The following MAFK variants were observed in gnomAD, a reference collection of about 807,000 sequenced individuals.
The protein encoded by MAFK is MAF bZIP transcription factor K.
Under a neutral mutation model 9.2 loss-of-function variants are expected in MAFK, and 1 was observed. The observed-to-expected ratio is 0.11, with a 90% CI of 0.04 to 0.52. The LOEUF (loss-of-function observed/expected upper bound fraction) is 0.52. MAFK is among the 20% of genes least tolerant of loss of function. MAFK has a pLI of 0.94. For missense variants in MAFK, 207 were observed against 236.0 expected, an observed-to-expected ratio of 0.88 and a Z score of 0.81; for synonymous variants, 110 against 107.4, an observed-to-expected ratio of 1.02 and a Z score of -0.15.
chr7:1,537,431 C>T (rs1052608111), intron 1 of MAFK: 17 of 985,432 alleles, frequency 1.7e-5, no homozygotes, highest in East Asian at 1.1e-4. Flanking sequence ...AAGCGGTGCC[C>T]GCGGCCCCTC....
rs765471304 is a variant in MAFK at position 1,540,256 on chromosome 7, G to A, written c.352G>A (p.Ala118Thr). 8 of 1,610,024 alleles carry A rather than the reference G, an allele frequency of 5.0e-6. No homozygotes were observed. The highest frequency in any genetic ancestry group is 6.8e-6 in the Non-Finnish European group (8 of 1,178,856). Reference sequence around the variant, plus strand: ...CAAGTACGAGGCGCTGCAGACCTTCGCGCGCACCGTGGCCCGGGGACCTGT... The same window carrying A: ...CAAGTACGAGGCGCTGCAGACCTTCACGCGCACCGTGGCCCGGGGACCTGT... ...RSKYEALQTF[A>T]RTVARGPVAP... The change falls in exon 3 of 3, where the codon GCG (alanine) becomes ACG (threonine). Residue 118 changes from alanine (A) to threonine (T), a missense_variant. Ala to Thr is a moderately conservative substitution (Grantham distance 58, BLOSUM62 0). Coordinates refer to ENST00000343242, the MANE Select transcript of MAFK (RefSeq NM_002360.4).
chr7:1,538,143 G>C (rs1015594744), intron 1 of MAFK: 96 of 402,096 alleles, frequency 2.4e-4, no homozygotes, highest in Non-Finnish European at 2.7e-4. Context: ...CGTGGGGGCT[G>C]GCTCGGTCCC....
chr7:1,534,052 A>G lies in MAFK; in HGVS notation c.-45+3154A>G. On this transcript the variant is annotated intron_variant, in intron 1 of 2. Transcript: ENST00000343242. This position sits in a 1 kb window ranked among gnomAD's most constrained non-coding sequence, Gnocchi z 4.3. ...CACAGCTTCCTCAGACTGCAAATGC[A>G]AGGTGACCAGACGTCCTCCAAGCCG... 1 of 358,664 alleles carries G rather than the reference A, an allele frequency of 2.8e-6. No individual in the cohort carries two copies. Among genetic ancestry groups the G allele is most frequent in the South Asian group, 2.0e-5 (1 of 50,570 alleles). The allele number at this position is 358,664 out of a possible 1,614,324, so 22.2% of individuals were successfully genotyped here. A position where few individuals can be genotyped will look rare whatever the true frequency, so the allele number is the denominator to read the frequency against.
At chr7:1,533,590 G>C (rs1263655067) in intron 1 of MAFK, among the ~76,000 whole-genome samples, 1 of 152,226 alleles carries the variant, frequency 6.6e-6, no homozygotes, top group African/African-American at 2.4e-5. Flanking sequence ...CTGTGGGGCT[G>C]TGTGGGGGGC....
At position 1,540,963 on chromosome 7, in the gene MAFK, CGTGA is replaced by C. The variant is rs1784169766; in HGVS notation, c.*592_*595del. 6.5e-6 allele frequency: 1 copy of C among 154,340 alleles called. No homozygotes were observed. Among genetic ancestry groups the C allele is most frequent in the Non-Finnish European group, 1.4e-5 (1 of 69,302 alleles). The allele number at this position is 154,340 out of a possible 1,614,324, so 9.6% of individuals were successfully genotyped here. ...CCGCGTCTGCCTTAGCAGGGGCCTGCGTGAGTGGGCACGGTGTGGGAGGTCGCCT... is the reference window on the plus strand; with the variant it reads ...CCGCGTCTGCCTTAGCAGGGGCCTGCGTGGGCACGGTGTGGGAGGTCGCCT... On this transcript the variant is annotated 3_prime_UTR_variant, in exon 3 of 3. Transcript: ENST00000343242.
In MAFK at chr7:1,541,283, G is replaced by A. The variant is rs1191475234; in HGVS notation, c.*908G>A. The stretch of plus-strand genomic sequence containing the variant: ...CGCCCCATCATTTGACGGTGAGCAG[G>A]ACTCAGGCTGTGTGTCCTGGAGCTA... On this transcript the variant is annotated 3_prime_UTR_variant, in exon 3 of 3. Coordinates refer to ENST00000343242, the MANE Select transcript of MAFK (RefSeq NM_002360.4). 6.5e-6 allele frequency: 1 copy of A among 152,828 alleles called. No individual in the cohort carries two copies. 9.5% of individuals were successfully genotyped at this position (152,828 alleles called of 1,614,324 possible). A position where few individuals can be genotyped will look rare whatever the true frequency, so the allele number is the denominator to read the frequency against.
At position 1,539,997 on chromosome 7, in the gene MAFK, C is replaced by T. The variant is rs1176563417; in HGVS notation, c.93C>T (p.Ser31=). ...TGCTCAGCGATGATGAGCTGGTGTC[C>T]ATGTCGGTGCGGGAGCTGAACCAGC... ...APVLSDDELV[S]MSVRELNQHL... is the part of the protein sequence containing the mutation. The change falls in exon 3 of 3, where the codon TCC becomes TCT. Residue 31 remains serine (S), a synonymous_variant. Coordinates refer to ENST00000343242, the MANE Select transcript of MAFK (RefSeq NM_002360.4). The T allele has an allele frequency of 1.9e-6, 3 of 1,557,036 alleles. No homozygotes were observed. Among genetic ancestry groups the T allele is most frequent in the South Asian group, 2.4e-5 (2 of 84,514 alleles).
rs1268968124 is a variant in MAFK at position 1,540,868 on chromosome 7, C to T, written c.*493C>T. 2 of 161,254 alleles carry T rather than the reference C, an allele frequency of 1.2e-5. No individual in the cohort carries two copies. Among genetic ancestry groups the T allele is most frequent in the Non-Finnish European group, 2.7e-5 (2 of 74,082 alleles). The allele number at this position is 161,254 out of a possible 1,614,324, so 10.0% of individuals were successfully genotyped here. A position where few individuals can be genotyped will look rare whatever the true frequency, so the allele number is the denominator to read the frequency against. On this transcript the variant is annotated 3_prime_UTR_variant, in exon 3 of 3. Coordinates refer to ENST00000343242, the MANE Select transcript of MAFK (RefSeq NM_002360.4). ...CACTGCCCTGACCGACTCCGCAGTC[C>T]CCGGGGAGGAGCATGGATGGTGTGT...
chr7:1,540,896 G>C lies in MAFK; in HGVS notation c.*521G>C. 1 of 158,552 alleles carries C rather than the reference G, an allele frequency of 6.3e-6. No individual in the cohort carries two copies. Among genetic ancestry groups the C allele is most frequent in the Non-Finnish European group, 1.4e-5 (1 of 72,308 alleles). The allele number at this position is 158,552 out of a possible 1,614,324, so 9.8% of individuals were successfully genotyped here. A position where few individuals can be genotyped will look rare whatever the true frequency, so the allele number is the denominator to read the frequency against. On this transcript the variant is annotated 3_prime_UTR_variant, in exon 3 of 3. Coordinates refer to ENST00000343242, the MANE Select transcript of MAFK (RefSeq NM_002360.4). The stretch of plus-strand genomic sequence containing the variant: ...GGGGAGGAGCATGGATGGTGTGTCG[G>C]CAGCTCCGTCCTTCCAGCTGTCCCG...
At position 1,532,766 on chromosome 7, in the gene MAFK, A is replaced by G. The variant is rs1783932974; in HGVS notation, c.-45+1868A>G. Among the ~76,000 whole-genome samples, 1 of 152,118 alleles carries G rather than the reference A, an allele frequency of 6.6e-6. No homozygotes were observed. The highest frequency in any genetic ancestry group is 1.5e-5 in the Non-Finnish European group (1 of 68,016). Reference sequence around the variant, plus strand: ...TCTGGCAAAGCTGTTTGCCACCCAGACGGAGAAGAAGTTGTGCCTGTTCTT... The same window carrying G: ...TCTGGCAAAGCTGTTTGCCACCCAGGCGGAGAAGAAGTTGTGCCTGTTCTT... On this transcript the variant is annotated intron_variant, in intron 1 of 2. Transcript: ENST00000343242. The surrounding 1 kb of genome is among the most constrained non-coding windows in gnomAD (Gnocchi z 4.5).
At chr7:1,536,049 C>G (rs1351838151) in intron 1 of MAFK, among the ~76,000 whole-genome samples, 2 of 152,246 alleles carry the variant, frequency 1.3e-5, no homozygotes, top group Non-Finnish European at 2.9e-5. Context: ...AACCCTGCCT[C>G]TTCCATCCGA....
chr7:1,537,507 C>A, intron 1 of MAFK: 1 of 985,484 alleles, frequency 1.0e-6, no homozygotes, highest in Non-Finnish European at 1.2e-6. Flanking sequence ...CCCACGGTGG[C>A]GGAGGCAGCT....
Position 1,540,185 on chromosome 7 carries a change from C to A in MAFK, c.281C>A (p.Ala94Glu). Residue 94 changes from alanine to glutamate, a missense_variant, in exon 3 of 3, where the codon GCG becomes GAG. Physicochemically the swap from Ala to Glu is moderately radical, Grantham distance 107. Transcript: ENST00000343242. ...CTGCAGCAGGAGGTGGAGAAGCTGG[C>A]GCGTGAGAACAGCAGCATGCGGCTG... Reference protein sequence around the residue: ...VELQQEVEKLARENSSMRLEL... With the variant: ...VELQQEVEKLERENSSMRLEL... The A allele has an allele frequency of 6.3e-7, 1 of 1,578,658 alleles. No individual in the cohort carries two copies. Among genetic ancestry groups the A allele is most frequent in the East Asian group, 2.3e-5 (1 of 42,702 alleles).
rs1051223278 is a variant in MAFK, at chr7:1,532,264, C to A, written c.-45+1366C>A. On this transcript the variant is annotated intron_variant, in intron 1 of 2. Coordinates refer to ENST00000343242, the MANE Select transcript of MAFK (RefSeq NM_002360.4). The surrounding 1 kb of genome is among the most constrained non-coding windows in gnomAD (Gnocchi z 4.5). ...ACCCAATGTCTTCAGGGACATGGAG[C>A]ATTAAAAGAGCCGTGGGCGGGGTCT... 9.2e-5 allele frequency among the ~76,000 whole-genome samples: 14 copies of A among 152,150 alleles called. No homozygotes were observed. The highest frequency in any genetic ancestry group is 3.1e-4 in the African/African-American group (13 of 41,438).
chr7:1,533,153 A>G (rs1050238475), intron 1 of MAFK, among the ~76,000 whole-genome samples: 1 of 152,212 alleles, frequency 6.6e-6, no homozygotes, highest in African/African-American at 2.4e-5. Flanking sequence ...GAGGAAGCCC[A>G]GGCCATGAGG....
intron 1 of MAFK, among the ~76,000 whole-genome samples, chr7:1,533,611 G>A (rs1583196610): frequency 6.6e-6 from 1 of 152,170 alleles, no homozygotes; most frequent in Non-Finnish European, 1.5e-5. Context: ...ACCAGGATCA[G>A]GGTGAGGGCA....
chr7:1,532,588 C>T lies in MAFK; in HGVS notation c.-45+1690C>T, dbSNP rs1241074206. Among the ~76,000 whole-genome samples, 3 of 152,212 alleles carry T rather than the reference C, an allele frequency of 2.0e-5. No homozygotes were observed. Among genetic ancestry groups the T allele is most frequent in the Non-Finnish European group, 2.9e-5 (2 of 68,042 alleles). On this transcript the variant is annotated intron_variant, in intron 1 of 2. Coordinates refer to ENST00000343242, the MANE Select transcript of MAFK (RefSeq NM_002360.4). The surrounding 1 kb of genome is among the most constrained non-coding windows in gnomAD (Gnocchi z 4.5). Reference sequence around the variant, plus strand: ...AGGTGCTGGTAAACCCGGGAGCCAGCGTTTACCGAGGGTCAGGGTTGTCGG... The same window carrying T: ...AGGTGCTGGTAAACCCGGGAGCCAGTGTTTACCGAGGGTCAGGGTTGTCGG...
In MAFK at chr7:1,532,612, G is replaced by T. The variant is rs1044158413; in HGVS notation, c.-45+1714G>T. 2.0e-5 allele frequency among the ~76,000 whole-genome samples: 3 copies of T among 152,170 alleles called. No individual in the cohort carries two copies. The highest frequency in any genetic ancestry group is 2.0e-4 in the Admixed American group (3 of 15,278). On this transcript the variant is annotated intron_variant, in intron 1 of 2. Coordinates refer to ENST00000343242, the MANE Select transcript of MAFK (RefSeq NM_002360.4). This position sits in a 1 kb window ranked among gnomAD's most constrained non-coding sequence, Gnocchi z 4.5. ...GCGTTTACCGAGGGTCAGGGTTGTC[G>T]GGGCGCCAGCCTTTGTGTGCACCCG...
At position 1,537,419 on chromosome 7, in the gene MAFK, G is replaced by A; in HGVS notation, c.-44-1730G>A. On this transcript the variant is annotated intron_variant, in intron 1 of 2. Transcript: ENST00000343242. ...GCACTGACGTGCTCGCAGTGGAGCT[G>A]GAAGCGGTGCCCGCGGCCCCTCCCT... The A allele has an allele frequency of 5.1e-6, 5 of 985,538 alleles. No individual in the cohort carries two copies. In the African/African-American group the frequency reaches 5.2e-5, roughly 10 times the overall value. 61.0% of individuals were successfully genotyped at this position (985,538 alleles called of 1,614,324 possible).
Sources: gnomAD v4.1 joint callset for allele counts (sites outside exome capture counted in the v4.1 genomes callset) on GRCh38, gnomAD v4.1.1 for gene constraint, Gnocchi (gnomAD v3.1) non-coding constraint, MANE v1.5 for transcripts, NCBI Gene and HGNC (gene_info 2026-07-23, HGNC 2026-07-21) for gene names.